The following PAFAH1B1 variants were observed in gnomAD, a reference collection of about 807,000 sequenced individuals.
The protein encoded by PAFAH1B1 is platelet-activating factor acetylhydrolase IB subunit beta.
A neutral mutation model predicts 57.5 loss-of-function variants in PAFAH1B1; 2 were observed. The observed-to-expected ratio is 0.03, with a 90% CI of 0.01 to 0.11. PAFAH1B1 has a LOEUF of 0.11. PAFAH1B1 is among the 10% of genes least tolerant of loss of function. PAFAH1B1 has a pLI of 1.00. For synonymous variants in PAFAH1B1, 152 were observed against 169.6 expected (o/e 0.90, Z 0.81); for missense variants, 257 against 512.0 (o/e 0.50, Z 4.81).
At chr17:2,614,307 C>A (rs2151617584) in intron 1 of PAFAH1B1, among the ~76,000 whole-genome samples, 1 of 152,160 alleles carries the variant, frequency 6.6e-6, no homozygotes, top group South Asian at 2.1e-4. Flanking sequence ...GATTAGTGAG[C>A]CGTGGCACTT....
chr17:2,642,417 TCAGAAAAAAATAAATAAAATTGC>T (rs2068707909), intron 2 of PAFAH1B1: 1 of 152,126 alleles, frequency 6.6e-6, no homozygotes, highest in Non-Finnish European at 1.5e-5. Context: ...GGATAAGTGT[TCAGAAAAAAATAAATAAAATTGC>T]CTTCAGTCTG....
intron 1 of PAFAH1B1, among the ~76,000 whole-genome samples, chr17:2,615,684 C>T (rs2068331050): frequency 6.6e-6 from 1 of 152,124 alleles, no homozygotes; most frequent in South Asian, 2.1e-4. Context: ...CATGATCCCC[C>T]TGCCTTGGCC....
chr17:2,632,626 A>G (rs912509007), intron 1 of PAFAH1B1, among the ~76,000 whole-genome samples: 1 of 152,202 alleles, frequency 6.6e-6, no homozygotes, highest in African/African-American at 2.4e-5. Flanking sequence ...GATAGAAAAT[A>G]TTAGAAAAAA....
At chr17:2,633,423 C>T (rs1438957250) in intron 1 of PAFAH1B1, among the ~76,000 whole-genome samples, 1 of 151,822 alleles carries the variant, frequency 6.6e-6, no homozygotes, top group Admixed American at 6.6e-5. Flanking sequence ...CTGCCTCAGC[C>T]TCCCAAAGTG....
intron 2 of PAFAH1B1, among the ~76,000 whole-genome samples, chr17:2,644,546 A>T (rs1352551236): frequency 2.0e-5 from 3 of 152,132 alleles, no homozygotes; most frequent in African/African-American, 4.8e-5. Context: ...TCCATCTCAA[A>T]AAATAAATAA....
At chr17:2,627,620 T>C (rs2151627456) in intron 1 of PAFAH1B1, among the ~76,000 whole-genome samples, 1 of 152,366 alleles carries the variant, frequency 6.6e-6, no homozygotes. Context: ...TTTGTAATTC[T>C]ATGAAGAATG....
At chr17:2,632,643 C>A (rs947965628) in intron 1 of PAFAH1B1, among the ~76,000 whole-genome samples, 6 of 152,146 alleles carry the variant, frequency 3.9e-5, no homozygotes, top group Admixed American at 1.3e-4. Context: ...AAAAATATGT[C>A]TGTACTGAAT....
At chr17:2,639,593 T>C (rs2068670401) in intron 2 of PAFAH1B1, 1 of 151,414 alleles carries the variant, frequency 6.6e-6, no homozygotes, top group South Asian at 2.1e-4. Flanking sequence ...TGTAGCTTTA[T>C]GTTCTACTTC....
In PAFAH1B1 at chr17:2,680,276, G is replaced by A. The variant is rs1268498334; in HGVS notation, c.1115G>A (p.Cys372Tyr). Residue 372 changes from cysteine to tyrosine, a missense_variant, in exon 10 of 11, where the codon TGC (cysteine) becomes TAC (tyrosine). Coordinates refer to ENST00000397195, the MANE Select transcript of PAFAH1B1 (RefSeq NM_000430.4). ...LRVWDYKNKR[C>Y]MKTLNAHEHF... The stretch of plus-strand genomic sequence containing the variant: ...GTATGGGATTACAAGAACAAGCGAT[G>A]CATGAAGACCCTCAATGCGCATGAA... 2.5e-6 allele frequency: 4 copies of A among 1,614,040 alleles called. No individual in the cohort carries two copies. Among genetic ancestry groups the A allele is most frequent in the Non-Finnish European group, 3.4e-6 (4 of 1,180,016 alleles).
chr17:2,629,767 T>C (rs1181954663), intron 1 of PAFAH1B1, among the ~76,000 whole-genome samples: 2 of 152,212 alleles, frequency 1.3e-5, no homozygotes, highest in Admixed American at 6.5e-5. Flanking sequence ...GGCACTCCAG[T>C]GTTAGATGCA....
intron 1 of PAFAH1B1, among the ~76,000 whole-genome samples, chr17:2,629,893 G>A (rs576100087): frequency 1.3e-5 from 2 of 152,226 alleles, no homozygotes; most frequent in South Asian, 4.1e-4. Context: ...TCTGATATGA[G>A]AATAGCTGCC....
intron 2 of PAFAH1B1, among the ~76,000 whole-genome samples, chr17:2,654,547 C>T (rs2068911615): frequency 6.6e-6 from 1 of 152,120 alleles, no homozygotes; most frequent in Non-Finnish European, 1.5e-5. Context: ...ACTTTCTATG[C>T]AGTGACGGTT....
chr17:2,658,744 A>G (rs1420246387), intron 2 of PAFAH1B1, among the ~76,000 whole-genome samples: 1 of 152,170 alleles, frequency 6.6e-6, no homozygotes, highest in Admixed American at 6.5e-5. Flanking sequence ...CTGAACTTGT[A>G]CTTGTCCTAA....
chr17:2,644,932 G>A (rs2068746826), intron 2 of PAFAH1B1, among the ~76,000 whole-genome samples: 1 of 152,116 alleles, frequency 6.6e-6, no homozygotes, highest in Non-Finnish European at 1.5e-5. Context: ...AATTTATAGA[G>A]AGCTTTAGAT....
intron 1 of PAFAH1B1, among the ~76,000 whole-genome samples, chr17:2,621,895 C>G (rs1223477434): frequency 6.6e-6 from 1 of 152,164 alleles, no homozygotes; most frequent in Non-Finnish European, 1.5e-5. Flanking sequence ...ATTGGACTTA[C>G]AGTTCCACAT....
rs184769671 is a variant in PAFAH1B1, at chr17:2,648,533, C to T, written c.32+10213C>T. ...ACCTACTAAAAATACAAAAAAATAG[C>T]CGGGTGTGGTGGCACACACCTGTAG... On this transcript the variant is annotated intron_variant, in intron 2 of 10. Transcript: ENST00000397195. Among the ~76,000 whole-genome samples the T allele has an allele frequency of 8.3e-4, 126 of 152,078 alleles. 1 individual carries two copies. The highest frequency in any genetic ancestry group is 4.3e-3 in the Admixed American group (66 of 15,256).
Position 2,670,348 on chromosome 17 carries a change from A to T in PAFAH1B1, c.568+17A>T. 6.2e-7 allele frequency: 1 copy of T among 1,601,876 alleles called. No individual in the cohort carries two copies. Among genetic ancestry groups the T allele is most frequent in the South Asian group, 1.1e-5 (1 of 90,812 alleles). On this transcript the variant is annotated intron_variant, in intron 6 of 10. Coordinates refer to ENST00000397195, the MANE Select transcript of PAFAH1B1 (RefSeq NM_000430.4). ...CCATGCACGGTAAGGGGTAGAGGAT[A>T]GTGCTTTAACAGTAATTTCTATCAT...
intron 1 of PAFAH1B1, among the ~76,000 whole-genome samples, chr17:2,636,908 G>A (rs1413973395): frequency 6.6e-6 from 1 of 151,918 alleles, no homozygotes; most frequent in African/African-American, 2.4e-5. Context: ...TTTCTGTAGA[G>A]ACGGGGTCTC....
chr17:2,662,126 G>C (rs1420142048), intron 2 of PAFAH1B1: 1 of 152,044 alleles, frequency 6.6e-6, no homozygotes, highest in Non-Finnish European at 1.5e-5. Context: ...AATTACCCTA[G>C]GGGATAAAAA....
Sources: gnomAD v4.1 joint callset for allele counts (sites outside exome capture counted in the v4.1 genomes callset) on GRCh38, gnomAD v4.1.1 for gene constraint, MANE v1.5 for transcripts, NCBI Gene and HGNC (gene_info 2026-07-23, HGNC 2026-07-21) for gene names.